The following CNTN5 variants were observed in gnomAD, a reference collection of about 807,000 sequenced individuals.
CNTN5 encodes the protein contactin 5, also known as contactin-5.
In CNTN5, 77 loss-of-function variants were observed where a neutral mutation model predicts 129.1. The observed-to-expected ratio is 0.60, with a 90% CI of 0.50 to 0.72. The LOEUF (loss-of-function observed/expected upper bound fraction) is 0.72, where lower values mean the gene tolerates loss of function less well. Ranked by LOEUF, CNTN5 falls within the 30% of genes least tolerant of loss-of-function variation. CNTN5 has a pLI of 0.00. For synonymous variants in CNTN5, 509 were observed against 465.6 expected (o/e 1.09, Z -1.20); for missense variants, 1,478 against 1,328.8 (o/e 1.11, Z -1.75).
At chr11:99,929,848 C>T (rs767400054) in intron 7 of CNTN5, among the ~76,000 whole-genome samples, 6 of 152,002 alleles carry the variant, frequency 3.9e-5, no homozygotes, top group Non-Finnish European at 5.9e-5. Flanking sequence ...CCTTGGTCCT[C>T]GATTCTTGTC....
chr11:99,661,440 A>G (rs975926486), intron 3 of CNTN5, among the ~76,000 whole-genome samples: 1 of 152,134 alleles, frequency 6.6e-6, no homozygotes, highest in African/African-American at 2.4e-5. Flanking sequence ...ATTACAATTC[A>G]TATTTGTCAA....
intron 7 of CNTN5, among the ~76,000 whole-genome samples, chr11:99,924,466 A>G (rs1950015245): frequency 6.6e-6 from 1 of 152,168 alleles, no homozygotes; most frequent in Non-Finnish European, 1.5e-5. Flanking sequence ...ATGGTTAGCC[A>G]GTTTTCCCAG....
intron 2 of CNTN5, among the ~76,000 whole-genome samples, chr11:99,545,561 T>C (rs1293247005): frequency 6.6e-6 from 1 of 152,226 alleles, no homozygotes; most frequent in Non-Finnish European, 1.5e-5. Context: ...TAAAATCTTA[T>C]TCATATCACG....
intron 3 of CNTN5, among the ~76,000 whole-genome samples, chr11:99,660,086 A>G (rs990917269): frequency 1.3e-5 from 2 of 152,058 alleles, no homozygotes; most frequent in Non-Finnish European, 2.9e-5. Flanking sequence ...TATATAGAAA[A>G]TTTCACCCAT....
chr11:99,085,407 C>T (rs1408499685), intron 1 of CNTN5, among the ~76,000 whole-genome samples: 1 of 152,040 alleles, frequency 6.6e-6, no homozygotes, highest in Non-Finnish European at 1.5e-5. Context: ...TACTTTGCAG[C>T]TTGAGATCCT....
chr11:99,964,282 G>A (rs568525307), intron 8 of CNTN5, among the ~76,000 whole-genome samples: 4 of 152,156 alleles, frequency 2.6e-5, no homozygotes, highest in Non-Finnish European at 4.4e-5. Flanking sequence ...ATTCAGTATG[G>A]TATTGGCTGT....
chr11:99,792,340 A>G (rs1473108673), intron 3 of CNTN5, among the ~76,000 whole-genome samples: 1 of 152,124 alleles, frequency 6.6e-6, no homozygotes, highest in Non-Finnish European at 1.5e-5. Flanking sequence ...CCTTTTCTGT[A>G]TCTATTGAGA....
chr11:99,432,439 C>CTTTTCTTTTCTTTTCTTTTCTTTTCTTTT (rs1943412174), intron 2 of CNTN5, among the ~76,000 whole-genome samples: 1 of 113,214 alleles, frequency 8.8e-6, no homozygotes, highest in African/African-American at 3.1e-5. Context: ...CCTTTTCTTT[C>CTTTTCTTTTCTTTTCTTTTCTTTTCTTTT]CTTTTCTTTT....
intron 3 of CNTN5, among the ~76,000 whole-genome samples, chr11:99,570,468 A>C (rs1340839517): frequency 6.6e-6 from 1 of 152,242 alleles, no homozygotes; most frequent in African/African-American, 2.4e-5. Context: ...TACTTTGTCA[A>C]AGATATTGTG....
intron 1 of CNTN5, among the ~76,000 whole-genome samples, chr11:99,254,022 T>G (rs144364114): frequency 1.6e-3 from 235 of 151,378 alleles, no homozygotes; most frequent in African/African-American, 5.4e-3. Flanking sequence ...CTGTTATAAA[T>G]CCAAAATAAT....
At chr11:99,327,845 CT>C (rs1865846540) in intron 2 of CNTN5, among the ~76,000 whole-genome samples, 1 of 152,144 alleles carries the variant, frequency 6.6e-6, no homozygotes. Flanking sequence ...TGAGTTCAGC[CT>C]TTGAGAATGA....
intron 2 of CNTN5, among the ~76,000 whole-genome samples, chr11:99,506,887 C>G (rs920495155): frequency 5.3e-5 from 8 of 151,660 alleles, no homozygotes; most frequent in Admixed American, 4.6e-4. Flanking sequence ...TGAGAACAAC[C>G]TGAGGGAATA....
chr11:99,029,165 G>T (rs886391023), intron 1 of CNTN5, among the ~76,000 whole-genome samples: 2 of 150,980 alleles, frequency 1.3e-5, no homozygotes, highest in South Asian at 2.1e-4. Flanking sequence ...AGTCTAGGAA[G>T]AAATTTTTAT....
rs181155045 is a variant in CNTN5, at chr11:99,385,627, A to G, written c.-71+60143A>G. On this transcript the variant is annotated intron_variant, in intron 2 of 24. Transcript: ENST00000524871. ...AAAGGTCATAATGCAGAACTCTTGT[A>G]TTTAGTTAAGTATCATTTGAGGCTC... 3.9e-5 allele frequency among the ~76,000 whole-genome samples: 6 copies of G among 152,334 alleles called. No individual in the cohort carries two copies. The East Asian group carries it at 1.2e-3, about 29-fold the overall frequency.
chr11:99,030,007 G>T (rs1217413799), intron 1 of CNTN5, among the ~76,000 whole-genome samples: 1 of 152,118 alleles, frequency 6.6e-6, no homozygotes, highest in Admixed American at 6.6e-5. Flanking sequence ...ACTGCATCTA[G>T]AATGAACTCC....
At chr11:99,858,412 G>A (rs1300369852) in intron 6 of CNTN5, among the ~76,000 whole-genome samples, 3 of 152,026 alleles carry the variant, frequency 2.0e-5, no homozygotes, top group Non-Finnish European at 4.4e-5. Context: ...ATTGTATAAT[G>A]TCTGGTATGG....
intron 4 of CNTN5, among the ~76,000 whole-genome samples, chr11:99,838,338 T>C (rs906642170): frequency 1.3e-5 from 2 of 152,214 alleles, no homozygotes; most frequent in African/African-American, 2.4e-5. Context: ...TATCAAGTAT[T>C]TTTATTTTCT....
chr11:99,658,980 A>G (rs941372301), intron 3 of CNTN5, among the ~76,000 whole-genome samples: 4 of 151,682 alleles, frequency 2.6e-5, no homozygotes, highest in Non-Finnish European at 5.9e-5. Context: ...CCTACACAAC[A>G]TTTACAGGGC....
chr11:99,627,924 G>A (rs1295416193), intron 3 of CNTN5, among the ~76,000 whole-genome samples: 1 of 149,160 alleles, frequency 6.7e-6, no homozygotes, highest in Non-Finnish European at 1.5e-5. Flanking sequence ...GTATCAGATG[G>A]GTAACTTGGC....
Sources: gnomAD v4.1 joint callset for allele counts (sites outside exome capture counted in the v4.1 genomes callset) on GRCh38, gnomAD v4.1.1 for gene constraint, MANE v1.5 for transcripts, NCBI Gene and HGNC (gene_info 2026-07-23, HGNC 2026-07-21) for gene names.